The following LRRC25 variants were observed in gnomAD, a reference collection of about 807,000 sequenced individuals.
The protein encoded by LRRC25 is leucine rich repeat containing 25.
LRRC25 carries 5 observed loss-of-function variants against 18.8 expected under a neutral mutation model. The ratio of observed to expected loss-of-function variants is 0.27; its 90% CI spans 0.14 to 0.56. LRRC25 has a LOEUF of 0.56. Among genes scored for constraint, LRRC25 ranks in the 20% least tolerant of loss-of-function variants. LRRC25 has a pLI of 0.93. For missense variants in LRRC25, 341 were observed against 389.8 expected (o/e 0.87, Z 1.05); for synonymous variants, 161 against 176.8 (o/e 0.91, Z 0.71).
rs1317397508 is a variant in LRRC25, at chr19:18,391,778, T to C, written c.*209A>G. ...CCGTCCTGTCCCCTTGTTGGGGGTC[T>C]CTCCTCTTCCCCCTCTAGGAGCTGA... On this transcript the variant is annotated 3_prime_UTR_variant, in exon 2 of 2. Coordinates refer to ENST00000339007, the MANE Select transcript of LRRC25 (RefSeq NM_145256.3). 2 of 539,434 alleles carry C rather than the reference T, an allele frequency of 3.7e-6. No homozygotes were observed. Among genetic ancestry groups the C allele is most frequent in the Non-Finnish European group, 3.3e-6 (1 of 301,950 alleles). 33.4% of individuals were successfully genotyped at this position (539,434 alleles called of 1,614,324 possible).
intron 1 of LRRC25, among the ~76,000 whole-genome samples, chr19:18,395,366 A>C (rs1353206045): frequency 7.8e-6 from 1 of 127,928 alleles, no homozygotes; most frequent in Admixed American, 7.5e-5. Context: ...GCCAGACTCC[A>C]TCTCAAAAAA....
At chr19:18,394,048 T>C (rs1971934742) in intron 1 of LRRC25, among the ~76,000 whole-genome samples, 2 of 152,288 alleles carry the variant, frequency 1.3e-5, no homozygotes, top group Middle Eastern at 3.4e-3. Context: ...ACCAACAGCC[T>C]TCCGATAGCC....
intron 1 of LRRC25, among the ~76,000 whole-genome samples, chr19:18,393,694 C>T (rs1033179928): frequency 5.9e-5 from 9 of 152,194 alleles, no homozygotes; most frequent in African/African-American, 2.2e-4. Flanking sequence ...CCACCAACCC[C>T]TAAGTGGTTG....
In LRRC25 at chr19:18,396,789, G is replaced by T. The variant is rs1376899903; in HGVS notation, c.175C>A (p.Arg59=). ...TCAAGGAGAATCACGTTGCTGGCCC[G>T]CAGAGACTGGTTGTGAGGCAGGCTC... ...SLSLPHNQSL[R]ASNVILLDLS... The change falls in exon 1 of 2, where the codon CGG becomes AGG. Residue 59 remains arginine, a synonymous_variant. Transcript: ENST00000339007. 1.2e-6 allele frequency: 2 copies of T among 1,614,140 alleles called. No homozygotes were observed.
intron 1 of LRRC25, among the ~76,000 whole-genome samples, chr19:18,394,344 C>T (rs1274281474): frequency 6.9e-6 from 1 of 144,042 alleles, no homozygotes; most frequent in East Asian, 2.0e-4. Context: ...CTCGCTCTGT[C>T]GCCCAGGCTG....
Position 18,396,555 on chromosome 19 carries a change from G to C in LRRC25, c.409C>G (p.Leu137Val), listed in dbSNP as rs375930709. Residue 137 changes from leucine (L) to valine (V), a missense_variant, in exon 1 of 2, where the codon CTG becomes GTG. Transcript: ENST00000339007. Reference sequence around the variant, plus strand: ...GAGCTGGTTGTGTCCCAGCAGAGCAGAGGCTTCTGGCCAGAGCAGTTGTCT... The same window carrying C: ...GAGCTGGTTGTGTCCCAGCAGAGCACAGGCTTCTGGCCAGAGCAGTTGTCT... The part of the protein sequence containing the change: ...RRDNCSGQKP[L>V]LCWDTTSSQH... 1.7e-5 allele frequency: 27 copies of C among 1,613,852 alleles called. No individual in the cohort carries two copies. The highest frequency in any genetic ancestry group is 2.3e-5 in the Non-Finnish European group (27 of 1,180,036).
intron 1 of LRRC25, among the ~76,000 whole-genome samples, chr19:18,394,847 A>G (rs1971947737): frequency 6.6e-6 from 1 of 151,796 alleles, no homozygotes. Context: ...GGAGGCTAAG[A>G]CATGAGGATC....
chr19:18,393,599 C>T (rs1019217498), intron 1 of LRRC25, among the ~76,000 whole-genome samples: 11 of 148,370 alleles, frequency 7.4e-5, no homozygotes, highest in Admixed American at 4.1e-4. Flanking sequence ...CTAGCCTGGG[C>T]GACAGAGCGG....
At chr19:18,395,595 T>C (rs1485015794) in intron 1 of LRRC25, among the ~76,000 whole-genome samples, 1 of 152,118 alleles carries the variant, frequency 6.6e-6, no homozygotes, top group East Asian at 1.9e-4. Context: ...CTCCCCATCC[T>C]TGGCCGCCAG....
chr19:18,395,650 A>G (rs922423933), intron 1 of LRRC25, among the ~76,000 whole-genome samples: 5 of 152,162 alleles, frequency 3.3e-5, no homozygotes, highest in Non-Finnish European at 5.9e-5. Flanking sequence ...TGTCCCATAT[A>G]TGGGAACTCA....
Position 18,396,728 on chromosome 19 carries a change from G to T in LRRC25, c.236C>A (p.Thr79Asn). ...SGNGLRELPV[T>N]FFAHLQKLEV... ...AAGCTTCTGCAGGTGGGCAAAGAAGGTCACTGGAAGCTCTCGCAGGCCGTT... is the reference window on the plus strand; with the variant it reads ...AAGCTTCTGCAGGTGGGCAAAGAAGTTCACTGGAAGCTCTCGCAGGCCGTT... The change falls in exon 1 of 2, where the codon ACC (threonine) becomes AAC (asparagine). Residue 79 changes from threonine to asparagine, a missense_variant. Coordinates refer to ENST00000339007, the MANE Select transcript of LRRC25 (RefSeq NM_145256.3). The T allele has an allele frequency of 1.2e-6, 2 of 1,614,166 alleles. No individual in the cohort carries two copies. Among genetic ancestry groups the T allele is most frequent in the Non-Finnish European group, 1.7e-6 (2 of 1,180,024 alleles).
Position 18,397,079 on chromosome 19 carries a change from G to T in LRRC25, c.-116C>A. The T allele has an allele frequency of 8.6e-7, 1 of 1,163,794 alleles. No individual in the cohort carries two copies. Among genetic ancestry groups the T allele is most frequent in the Non-Finnish European group, 1.2e-6 (1 of 846,736 alleles). The allele number at this position is 1,163,794 out of a possible 1,614,324, so 72.1% of individuals were successfully genotyped here. A position where few individuals can be genotyped will look rare whatever the true frequency, so the allele number is the denominator to read the frequency against. ...GCTCAGACCAGCTCAAGCCGCTTCT[G>T]AAATGGTAAAACGCAGCCCCAGTCT... is the stretch of plus-strand genomic sequence containing the variant. On this transcript the variant is annotated 5_prime_UTR_variant, in exon 1 of 2. Transcript: ENST00000339007.
chr19:18,395,016 C>G (rs2144622603), intron 1 of LRRC25, among the ~76,000 whole-genome samples: 1 of 152,074 alleles, frequency 6.6e-6, no homozygotes, highest in South Asian at 2.1e-4. Flanking sequence ...GAGCTTGAGG[C>G]TGCAGTGATC....
At chr19:18,395,292 A>T (rs919016810) in intron 1 of LRRC25, among the ~76,000 whole-genome samples, 1 of 149,478 alleles carries the variant, frequency 6.7e-6, no homozygotes, top group African/African-American at 2.5e-5. Flanking sequence ...AATGGCATGA[A>T]CCCGGGAGGC....
rs141762123 is a variant in LRRC25 at position 18,396,556 on chromosome 19, A to G, written c.408T>C (p.Pro136=). 6.9e-5 allele frequency: 111 copies of G among 1,613,700 alleles called. No individual in the cohort carries two copies. In the African/African-American group the frequency reaches 1.2e-3, roughly 18 times the overall value. Residue 136 remains proline, a synonymous_variant, in exon 1 of 2, where the codon CCT becomes CCC. Coordinates refer to ENST00000339007, the MANE Select transcript of LRRC25 (RefSeq NM_145256.3). ...AGCTGGTTGTGTCCCAGCAGAGCAG[A>G]GGCTTCTGGCCAGAGCAGTTGTCTC... The part of the protein sequence containing the change: ...IRRDNCSGQK[P]LLCWDTTSSQ...
At position 18,396,668 on chromosome 19, in the gene LRRC25, C is replaced by G; in HGVS notation, c.296G>C (p.Arg99Pro). 2 of 1,614,064 alleles carry G rather than the reference C, an allele frequency of 1.2e-6. No individual in the cohort carries two copies. The highest frequency in any genetic ancestry group is 8.5e-7 in the Non-Finnish European group (1 of 1,180,008). The change falls in exon 1 of 2, where the codon CGT becomes CCT. Residue 99 changes from arginine to proline, a missense_variant. Arg to Pro is a moderately radical substitution (Grantham distance 103). Transcript: ENST00000339007. ...VLNVLRNPLS[R>P]VDGALAARCD... The stretch of plus-strand genomic sequence containing the variant: ...GCGGGCGGCCAGCGCCCCATCCACA[C>G]GAGACAAGGGGTTGCGTAGCACGTT...
rs143067648 is a variant in LRRC25, at chr19:18,396,778, G to T, written c.186C>A (p.Asn62Lys). 6.8e-6 allele frequency: 11 copies of T among 1,614,186 alleles called. No homozygotes were observed. The highest frequency in any genetic ancestry group is 9.3e-6 in the Non-Finnish European group (11 of 1,180,042). ...LPHNQSLRAS[N>K]VILLDLSGNG... ...TCCCAGACAGGTCAAGGAGAATCAC[G>T]TTGCTGGCCCGCAGAGACTGGTTGT... The change falls in exon 1 of 2, where the codon AAC becomes AAA. Residue 62 changes from asparagine (N) to lysine (K), a missense_variant. By Grantham distance (94) the Asn-to-Lys change is moderately conservative. Transcript: ENST00000339007.
chr19:18,393,191 C>T (rs2144620878), intron 1 of LRRC25, among the ~76,000 whole-genome samples: 1 of 152,332 alleles, frequency 6.6e-6, no homozygotes, highest in Middle Eastern at 3.4e-3. Context: ...AAGCAAGTCT[C>T]TGAGCCTCAG....
At position 18,391,561 on chromosome 19, in the gene LRRC25, C is replaced by CAA. The variant is rs1207005360; in HGVS notation, c.*424_*425dup. 9 of 157,958 alleles carry CAA rather than the reference C, an allele frequency of 5.7e-5. No individual in the cohort carries two copies. Among genetic ancestry groups the CAA allele is most frequent in the Admixed American group, 1.8e-4 (3 of 16,366 alleles). The allele number at this position is 157,958 out of a possible 1,614,324, so 9.8% of individuals were successfully genotyped here. A position where few individuals can be genotyped will look rare whatever the true frequency, so the allele number is the denominator to read the frequency against. ...TCAAAAACAAACAAACAAACAACAA[C>CAA]AACAAAAAAAAACAGGGATGGGAGG... On this transcript the variant is annotated 3_prime_UTR_variant, in exon 2 of 2. Transcript: ENST00000339007.
Sources: allele counts gnomAD v4.1 joint callset (sites outside exome capture counted in the v4.1 genomes callset), GRCh38; gene constraint gnomAD v4.1.1; transcripts MANE v1.5; gene names NCBI Gene and HGNC (gene_info 2026-07-23, HGNC 2026-07-21).